The following SNTG1 variants were observed in gnomAD, a reference collection of about 807,000 sequenced individuals.
The protein encoded by SNTG1 is gamma-1-syntrophin.
In SNTG1, 39 loss-of-function variants were observed where a neutral mutation model predicts 74.7. The observed-to-expected ratio is 0.52, with a 90% CI of 0.40 to 0.68. The LOEUF (loss-of-function observed/expected upper bound fraction) is 0.68, where lower values mean the gene tolerates loss of function less well. Among genes scored for constraint, SNTG1 ranks in the 30% least tolerant of loss-of-function variants. SNTG1 has a pLI of 0.00. For missense variants in SNTG1, 685 were observed against 609.5 expected (o/e 1.12, Z -1.30); for synonymous variants, 254 against 217.1 (o/e 1.17, Z -1.49).
chr8:50,269,236 T>C (rs548170962), intron 2 of SNTG1, among the ~76,000 whole-genome samples: 1 of 152,310 alleles, frequency 6.6e-6, no homozygotes, highest in East Asian at 1.9e-4. Flanking sequence ...TAAATTGGGC[T>C]TTATAAAAAT....
rs190294364 is a variant in SNTG1, at chr8:50,296,243, C to T, written c.-27-97969C>T. Among the ~76,000 whole-genome samples, 196 of 152,234 alleles carry T rather than the reference C, an allele frequency of 1.3e-3. 1 individual carries two copies. The highest frequency in any genetic ancestry group is 4.4e-3 in the African/African-American group (184 of 41,562). ...ATATAGAACCAGAAATACTATTTGA[C>T]CCAGCAATCCCATTACTGGGAATAT... On this transcript the variant is annotated intron_variant, in intron 2 of 18. Transcript: ENST00000642720.
chr8:50,667,468 A>G (rs1401171161), intron 15 of SNTG1, among the ~76,000 whole-genome samples: 1 of 152,024 alleles, frequency 6.6e-6, no homozygotes, highest in Non-Finnish European at 1.5e-5. Flanking sequence ...GTGAAGGTCT[A>G]CCAGTTGTGT....
chr8:50,134,625 G>C (rs1370163389), intron 1 of SNTG1, among the ~76,000 whole-genome samples: 1 of 152,090 alleles, frequency 6.6e-6, no homozygotes. Context: ...AGTAATTAGA[G>C]GGAATGTATG....
chr8:49,958,383 A>G (rs1394058297), intron 1 of SNTG1, among the ~76,000 whole-genome samples: 2 of 152,044 alleles, frequency 1.3e-5, no homozygotes, highest in Non-Finnish European at 2.9e-5. Context: ...GTGTCCTACA[A>G]TTCCAGGAGT....
rs534970586 is a variant in SNTG1 at position 50,633,553 on chromosome 8, T to A, written c.850-23356T>A. Reference sequence around the variant, plus strand: ...ATGCTCTGCTTACTAGCATGAAGTGTCTTTCAACTTCTGGGCCCTCATCCC... The same window carrying A: ...ATGCTCTGCTTACTAGCATGAAGTGACTTTCAACTTCTGGGCCCTCATCCC... On this transcript the variant is annotated intron_variant, in intron 13 of 18. Coordinates refer to ENST00000642720, the MANE Select transcript of SNTG1 (RefSeq NM_018967.5). Among the ~76,000 whole-genome samples, 30 of 152,304 alleles carry A rather than the reference T, an allele frequency of 2.0e-4. No homozygotes were observed. The East Asian group carries it at 4.8e-3, about 24-fold the overall frequency.
intron 5 of SNTG1, among the ~76,000 whole-genome samples, chr8:50,448,763 G>C (rs962855243): frequency 2.0e-5 from 3 of 152,030 alleles, no homozygotes; most frequent in Admixed American, 2.0e-4. Context: ...GGCCGGGTGC[G>C]GTGACTCACC....
chr8:50,487,356 A>G (rs1563459837), intron 8 of SNTG1, among the ~76,000 whole-genome samples: 1 of 152,222 alleles, frequency 6.6e-6, no homozygotes, highest in Non-Finnish European at 1.5e-5. Context: ...CCAAAGTACT[A>G]TAAATCATGC....
chr8:50,285,477 C>T (rs2088716848), intron 2 of SNTG1, among the ~76,000 whole-genome samples: 1 of 151,950 alleles, frequency 6.6e-6, no homozygotes, highest in Non-Finnish European at 1.5e-5. Context: ...ATTGTGGTAA[C>T]AAAAAAGAGC....
intron 2 of SNTG1, among the ~76,000 whole-genome samples, chr8:50,232,426 ATT>A (rs2085676132): frequency 6.6e-6 from 1 of 151,452 alleles, no homozygotes; most frequent in Non-Finnish European, 1.5e-5. Flanking sequence ...AGGAAAGAAC[ATT>A]CTGAACTTAA....
At chr8:49,953,393 T>C (rs1809897178) in intron 1 of SNTG1, among the ~76,000 whole-genome samples, 1 of 152,114 alleles carries the variant, frequency 6.6e-6, no homozygotes, top group South Asian at 2.1e-4. Flanking sequence ...TGTCCTTCCT[T>C]GGTTCTCTGT....
At chr8:50,014,797 G>T (rs1359071651) in intron 1 of SNTG1, among the ~76,000 whole-genome samples, 1 of 152,036 alleles carries the variant, frequency 6.6e-6, no homozygotes, top group Non-Finnish European at 1.5e-5. Context: ...TTAAAAAAAT[G>T]TCAGAAGAGA....
intron 8 of SNTG1, among the ~76,000 whole-genome samples, chr8:50,463,468 A>T (rs2093584416): frequency 6.6e-6 from 1 of 152,206 alleles, no homozygotes; most frequent in Non-Finnish European, 1.5e-5. Flanking sequence ...GTTAGGAAGC[A>T]TGAAAACAAA....
At chr8:50,695,208 C>T (rs1186379725) in intron 15 of SNTG1, among the ~76,000 whole-genome samples, 1 of 151,634 alleles carries the variant, frequency 6.6e-6, no homozygotes, top group Non-Finnish European at 1.5e-5. Context: ...CCCACTCACA[C>T]ACACACACAA....
chr8:50,640,578 TCTCAGACATGGACACCTA>T (rs1467442267), intron 13 of SNTG1, among the ~76,000 whole-genome samples: 9 of 152,140 alleles, frequency 5.9e-5, no homozygotes, highest in Admixed American at 2.6e-4. Context: ...CCATCCACGA[TCTCAGACATGGACACCTA>T]TCTACCCATC....
At chr8:49,944,579 G>C (rs1165615248) in intron 1 of SNTG1, among the ~76,000 whole-genome samples, 1 of 103,776 alleles carries the variant, frequency 9.6e-6, no homozygotes, top group Admixed American at 1.2e-4. Context: ...GGACTGTTGT[G>C]GGGTGGGGGG....
intron 12 of SNTG1, among the ~76,000 whole-genome samples, chr8:50,575,301 T>A (rs1252272970): frequency 6.6e-6 from 1 of 152,228 alleles, no homozygotes; most frequent in Non-Finnish European, 1.5e-5. Context: ...CACATTAACT[T>A]TTCTACTGAA....
intron 1 of SNTG1, among the ~76,000 whole-genome samples, chr8:50,071,355 G>A (rs775800371): frequency 6.6e-6 from 1 of 151,958 alleles, no homozygotes; most frequent in African/African-American, 2.4e-5. Context: ...TTTTAATTTT[G>A]TTCAGAGATG....
chr8:50,269,640 C>T (rs1231860582), intron 2 of SNTG1, among the ~76,000 whole-genome samples: 2 of 152,110 alleles, frequency 1.3e-5, no homozygotes, highest in Non-Finnish European at 2.9e-5. Flanking sequence ...TACATACAAC[C>T]CAGCAGTCCA....
intron 9 of SNTG1, among the ~76,000 whole-genome samples, chr8:50,514,513 A>G (rs1013747174): frequency 3.3e-5 from 5 of 152,060 alleles, no homozygotes; most frequent in East Asian, 1.9e-4. Context: ...TTCATTGTTT[A>G]ATTTCCACTC....
Sources: gnomAD v4.1 joint callset for allele counts (sites outside exome capture counted in the v4.1 genomes callset) on GRCh38, gnomAD v4.1.1 for gene constraint, MANE v1.5 for transcripts, NCBI Gene and HGNC (gene_info 2026-07-23, HGNC 2026-07-21) for gene names.